The following FYB1 variants were observed in gnomAD, a reference collection of about 807,000 sequenced individuals.
The protein encoded by FYB1 is FYN binding protein 1, also known as FYN-binding protein 1.
Under a neutral mutation model 94.1 loss-of-function variants are expected in FYB1, and 41 were observed. The observed-to-expected ratio is 0.44, with a 90% CI of 0.34 to 0.57. The LOEUF is 0.57. FYB1 is among the 20% of genes least tolerant of loss of function. The probability of loss-of-function intolerance (pLI) is 0.02; values close to 1 mark genes in which losing one functional copy is unlikely to be tolerated. For synonymous variants in FYB1, 367 were observed against 353.2 expected (o/e 1.04, Z -0.44); for missense variants, 1,050 against 976.8 (o/e 1.07, Z -1.00).
intron 2 of FYB1, among the ~76,000 whole-genome samples, chr5:39,166,431 G>A (rs1321313625): frequency 9.3e-5 from 9 of 96,770 alleles, no homozygotes; most frequent in Non-Finnish European, 1.8e-4. Context: ...GTGAAACTCC[G>A]TCTCATAAAA....
chr5:39,121,890 A>G (rs1241773952), intron 14 of FYB1, among the ~76,000 whole-genome samples: 1 of 152,156 alleles, frequency 6.6e-6, no homozygotes, highest in African/African-American at 2.4e-5. Flanking sequence ...AAGATGGGTG[A>G]GTGCTGAGAT....
intron 18 of FYB1, 144 bp downstream of exon 18, chr5:39,108,087 G>A (rs955552922): frequency 1.6e-5 from 11 of 697,294 alleles, no homozygotes; most frequent in Non-Finnish European, 2.5e-5. Context: ...CATTATGCCA[G>A]GGCATTTACC....
intron 2 of FYB1, chr5:39,170,137 G>A (rs1745112385): frequency 3.8e-6 from 3 of 787,936 alleles, no homozygotes; most frequent in South Asian, 2.7e-5. Context: ...TGCTGATGAA[G>A]TATAAGTAGC....
chr5:39,130,732 G>C, intron 9 of FYB1, 120 bp from the exon 10 acceptor site: 1 of 775,590 alleles, frequency 1.3e-6, no homozygotes, highest in East Asian at 2.7e-5. Context: ...AAAGTTCTTA[G>C]AATGCTATAT....
intron 3 of FYB1, among the ~76,000 whole-genome samples, chr5:39,142,019 T>C (rs78189167): frequency 0.036 from 5,428 of 152,276 alleles, 344 homozygotes; most frequent in African/African-American, 0.12. Flanking sequence ...AATAGCATTA[T>C]CAATACCTGG....
At chr5:39,164,110 C>T (rs951916873) in intron 2 of FYB1, among the ~76,000 whole-genome samples, 1 of 152,120 alleles carries the variant, frequency 6.6e-6, no homozygotes, top group Non-Finnish European at 1.5e-5. Flanking sequence ...ATAGCACATC[C>T]TCAGGGAGAG....
intron 2 of FYB1, among the ~76,000 whole-genome samples, chr5:39,195,038 C>T (rs540682727): frequency 5.1e-4 from 78 of 152,158 alleles, no homozygotes; most frequent in African/African-American, 3.4e-4. Flanking sequence ...AGCTGAACCA[C>T]GCCGTTGAGC....
chr5:39,265,459 G>C (rs1212193507), intron 1 of FYB1, among the ~76,000 whole-genome samples: 1 of 150,824 alleles, frequency 6.6e-6, no homozygotes, highest in Admixed American at 6.6e-5. Flanking sequence ...ACTCCAGCCT[G>C]GGCGACAGAG....
chr5:39,172,666 T>C (rs1487125609), intron 2 of FYB1, among the ~76,000 whole-genome samples: 1 of 152,164 alleles, frequency 6.6e-6, no homozygotes, highest in Non-Finnish European at 1.5e-5. Flanking sequence ...GTATTCAGTG[T>C]TTAGCTCTTA....
At chr5:39,192,382 C>G (rs2150464096) in intron 2 of FYB1, among the ~76,000 whole-genome samples, 1 of 152,078 alleles carries the variant, frequency 6.6e-6, no homozygotes, top group East Asian at 1.9e-4. Flanking sequence ...CACAATGCAT[C>G]TCATACTTTA....
chr5:39,141,329 G>T (rs762291166), intron 3 of FYB1, among the ~76,000 whole-genome samples, 188 bp from the exon 4 acceptor site: 3 of 152,220 alleles, frequency 2.0e-5, no homozygotes, highest in Non-Finnish European at 2.9e-5. Flanking sequence ...AGAAAATGGA[G>T]AATTGGGAAA....
At chr5:39,210,419 T>C (rs945055980) in intron 1 of FYB1, among the ~76,000 whole-genome samples, 1 of 152,248 alleles carries the variant, frequency 6.6e-6, no homozygotes, top group Admixed American at 6.5e-5. Context: ...CTGTGTTCTC[T>C]CTTCCAGAGT....
At position 39,107,368 on chromosome 5, in the gene FYB1, C is replaced by T. The variant is rs1221198658; in HGVS notation, c.*75G>A. ...TTTTGTGCATTAATTTTCTTGATAC[C>T]CAATAACATGCCAATTAAAATCCAG... On this transcript the variant is annotated 3_prime_UTR_variant, in exon 19 of 19. Transcript: ENST00000512982. 10 of 1,011,450 alleles carry T rather than the reference C, an allele frequency of 9.9e-6. No individual in the cohort carries two copies. Among genetic ancestry groups the T allele is most frequent in the East Asian group, 2.9e-5 (1 of 34,460 alleles). The allele number at this position is 1,011,450 out of a possible 1,614,324, so 62.7% of individuals were successfully genotyped here. A position where few individuals can be genotyped will look rare whatever the true frequency, so the allele number is the denominator to read the frequency against.
At chr5:39,168,777 T>C (rs1690132088) in intron 2 of FYB1, among the ~76,000 whole-genome samples, 1 of 151,106 alleles carries the variant, frequency 6.6e-6, no homozygotes, top group Admixed American at 6.6e-5. Flanking sequence ...ACATAATTAA[T>C]GAATATGTAA....
At chr5:39,258,499 C>T in intron 1 of FYB1, among the ~76,000 whole-genome samples, 1 of 152,218 alleles carries the variant, frequency 6.6e-6, no homozygotes, top group East Asian at 1.9e-4. Flanking sequence ...ACCTGGGAGG[C>T]TGAGGCAGGA....
Position 39,126,122 on chromosome 5 carries a change from C to T in FYB1, c.1921G>A (p.Val641Ile). Residue 641 changes from valine (V) to isoleucine (I), a missense_variant, in exon 12 of 19, where the codon GTT (valine) becomes ATT (isoleucine). Transcript: ENST00000512982. ...GACCACGTATTACTCTTCTCTTGAA[C>T]CTGTAGTGTGGAGCTTTGGAGCATG... ...EDADDGSTLQ[V>I]QEKSNTWSWG... 1 of 1,613,390 alleles carries T rather than the reference C, an allele frequency of 6.2e-7. No individual in the cohort carries two copies. Among genetic ancestry groups the T allele is most frequent in the Non-Finnish European group, 8.5e-7 (1 of 1,179,568 alleles).
chr5:39,267,951 A>C (rs2111734213), intron 1 of FYB1, among the ~76,000 whole-genome samples: 1 of 152,358 alleles, frequency 6.6e-6, no homozygotes, highest in Non-Finnish European at 1.5e-5. Context: ...TGAAATGTCC[A>C]ACTCTATGGA....
At position 39,152,701 on chromosome 5, in the gene FYB1, A is replaced by G. The variant is rs144046891; in HGVS notation, c.1292+747T>C. ...TAAATCCTGGATAAAGAGCCCATGC[A>G]TAGCAACCCCTACAGTGCTGACATT... On this transcript the variant is annotated intron_variant, in intron 3 of 18. Coordinates refer to ENST00000512982, the MANE Select transcript of FYB1 (RefSeq NM_001465.6). Among the ~76,000 whole-genome samples, 280 of 152,312 alleles carry G rather than the reference A, an allele frequency of 1.8e-3. 1 individual carries two copies. The highest frequency in any genetic ancestry group is 6.5e-3 in the African/African-American group (271 of 41,578).
At chr5:39,125,081 G>C (rs1220031709) in intron 12 of FYB1, among the ~76,000 whole-genome samples, 1 of 146,238 alleles carries the variant, frequency 6.8e-6, no homozygotes, top group African/African-American at 2.5e-5. Context: ...AATTGAAGCA[G>C]AAAAAAAAAA....
Sources: gnomAD v4.1 joint callset for allele counts (sites outside exome capture counted in the v4.1 genomes callset) on GRCh38, gnomAD v4.1.1 for gene constraint, MANE v1.5 for transcripts, NCBI Gene and HGNC (gene_info 2026-07-23, HGNC 2026-07-21) for gene names.